The following CEACAM21 variants were observed in gnomAD, a reference collection of about 807,000 sequenced individuals.
CEACAM21 encodes CEA cell adhesion molecule 21, also known as cell adhesion molecule CEACAM21.
A neutral mutation model predicts 33.2 loss-of-function variants in CEACAM21; 38 were observed. The ratio of observed to expected loss-of-function variants is 1.14; its 90% CI spans 0.88 to 1.50. The LOEUF is 1.50. Ranked by LOEUF, CEACAM21 falls within the 40% of genes most tolerant of loss-of-function variation. The probability of loss-of-function intolerance (pLI) is 0.00; values close to 1 mark genes in which losing one functional copy is unlikely to be tolerated. For synonymous variants in CEACAM21, 156 were observed against 143.0 expected (o/e 1.09, Z -0.65); for missense variants, 385 against 364.6 (o/e 1.06, Z -0.46).
Position 41,579,612 on chromosome 19 carries a change from C to G in CEACAM21, c.684C>G (p.Leu228=), listed in dbSNP as rs1555792831. Residue 228 remains leucine, a synonymous_variant, in exon 3 of 7, where the codon CTC becomes CTG. Transcript: ENST00000401445. ...TCAGCTCCAACAGGAGCGACCCCCTCAAGCTGACTGTAAAATGTGAGTGAC... is the reference window on the plus strand; with the variant it reads ...TCAGCTCCAACAGGAGCGACCCCCTGAAGCTGACTGTAAAATGTGAGTGAC... The part of the protein sequence containing the change: ...NPVSSNRSDP[L]KLTVKSDDNT... The G allele has an allele frequency of 6.4e-7, 1 of 1,560,876 alleles. No individual in the cohort carries two copies. Among genetic ancestry groups the G allele is most frequent in the Admixed American group, 1.9e-5 (1 of 52,026 alleles).
chr19:41,569,646 A>G (rs2042477824), intron 2 of CEACAM21, among the ~76,000 whole-genome samples: 1 of 151,940 alleles, frequency 6.6e-6, no homozygotes, highest in African/African-American at 2.4e-5. Flanking sequence ...CAGCAGCTGC[A>G]CAAATAGAGA....
At chr19:41,552,952 A>G (rs2041313424) in intron 1 of CEACAM21, among the ~76,000 whole-genome samples, 1 of 149,274 alleles carries the variant, frequency 6.7e-6, no homozygotes, top group African/African-American at 2.4e-5. Context: ...AAAGGGAAAG[A>G]AAAAGGAAAC....
chr19:41,584,296 G>T lies in CEACAM21; in HGVS notation c.701-51G>T, dbSNP rs2070543035. On this transcript the variant is annotated intron_variant, in intron 3 of 6. Coordinates refer to ENST00000401445, the MANE Select transcript of CEACAM21 (RefSeq NM_001098506.4). ...CCCCTGCCCTGCAAGGCCCCTCATGGTTCCCCCTGGAACAGATTTGGACCT... is the reference window on the plus strand; with the variant it reads ...CCCCTGCCCTGCAAGGCCCCTCATGTTTCCCCCTGGAACAGATTTGGACCT... 7 of 1,518,174 alleles carry T rather than the reference G, an allele frequency of 4.6e-6. 1 individual carries two copies. In the South Asian group the frequency reaches 7.0e-5, roughly 15 times the overall value. The allele number at this position is 1,518,174 out of a possible 1,614,324, so 94.0% of individuals were successfully genotyped here. A position where few individuals can be genotyped will look rare whatever the true frequency, so the allele number is the denominator to read the frequency against.
chr19:41,577,351 G>T lies in CEACAM21; in HGVS notation c.216G>T (p.Thr72=). The stretch of plus-strand genomic sequence containing the variant: ...GCTATGGCTGGTACAAAGGGAAAAC[G>T]GTGGAGCCCAACCAGCTAATCGCAG... ...LYSYGWYKGK[T]VEPNQLIAAY... Residue 72 remains threonine (T), a synonymous_variant, in exon 2 of 7, where the codon ACG becomes ACT. Transcript: ENST00000401445. 1 of 1,613,982 alleles carries T rather than the reference G, an allele frequency of 6.2e-7. No individual in the cohort carries two copies.
At position 41,577,316 on chromosome 19, in the gene CEACAM21, A is replaced by G. The variant is rs1456876473; in HGVS notation, c.181A>G (p.Asn61Asp). 1.1e-5 allele frequency: 17 copies of G among 1,614,092 alleles called. No individual in the cohort carries two copies. In the Middle Eastern group the frequency reaches 2.6e-3, roughly 251 times the overall value. The change falls in exon 2 of 7, where the codon AAT becomes GAT. Residue 61 changes from asparagine to aspartate, a missense_variant. Asn to Asp is a conservative substitution (Grantham distance 23, BLOSUM62 1). Transcript: ENST00000401445. ...VHLSVVYLPE[N>D]LYSYGWYKGK... Reference sequence around the variant, plus strand: ...TCTCTCTGTGGTTTATCTGCCCGAGAATCTTTACAGCTATGGCTGGTACAA... The same window carrying G: ...TCTCTCTGTGGTTTATCTGCCCGAGGATCTTTACAGCTATGGCTGGTACAA...
chr19:41,566,098 C>T (rs529243666), intron 2 of CEACAM21, among the ~76,000 whole-genome samples: 1 of 151,966 alleles, frequency 6.6e-6, no homozygotes, highest in South Asian at 2.1e-4. Flanking sequence ...TGCTGAAAGA[C>T]CCACCAAAGG....
At chr19:41,585,742 C>T in intron 5 of CEACAM21, 98 bp from the exon 6 acceptor site, 1 of 1,293,656 alleles carries the variant, frequency 7.7e-7, no homozygotes, top group East Asian at 2.5e-5. Context: ...AAGGCTCCCT[C>T]TCCCCAATTC....
intron 3 of CEACAM21, among the ~76,000 whole-genome samples, chr19:41,580,941 G>T (rs1357553384): frequency 6.6e-6 from 1 of 152,208 alleles, no homozygotes; most frequent in Non-Finnish European, 1.5e-5. Context: ...CCTAGGGGCT[G>T]CCAGTCATCA....
intron 2 of CEACAM21, among the ~76,000 whole-genome samples, chr19:41,567,501 CAACAAT>C (rs2042341594): frequency 6.6e-6 from 1 of 152,174 alleles, no homozygotes. Context: ...ACTCAGCAAA[CAACAAT>C]TTAGCAATTT....
chr19:41,559,120 T>C (rs2041715892), intron 1 of CEACAM21, among the ~76,000 whole-genome samples: 2 of 152,246 alleles, frequency 1.3e-5, no homozygotes, highest in Non-Finnish European at 2.9e-5. Context: ...CAGATTTATG[T>C]ATTTTACTGG....
intron 3 of CEACAM21, among the ~76,000 whole-genome samples, chr19:41,579,927 G>T (rs114478851): frequency 7.9e-4 from 120 of 152,260 alleles, no homozygotes; most frequent in African/African-American, 2.7e-3. Flanking sequence ...AGATTAATGC[G>T]ATTAAAGCCC....
intron 1 of CEACAM21, among the ~76,000 whole-genome samples, chr19:41,556,716 A>G (rs1388157850): frequency 6.6e-6 from 1 of 152,272 alleles, no homozygotes; most frequent in Non-Finnish European, 1.5e-5. Flanking sequence ...TGGCGAAGGC[A>G]TAAACTTGAA....
intron 4 of CEACAM21, 128 bp from the exon 5 acceptor site, chr19:41,585,315 A>G (rs1031214117): frequency 1.1e-6 from 1 of 935,530 alleles, no homozygotes; most frequent in South Asian, 1.5e-5. Context: ...CTCCTACCAC[A>G]GAACTCCATA....
intron 2 of CEACAM21, among the ~76,000 whole-genome samples, chr19:41,570,861 G>A (rs1159224245): frequency 6.6e-6 from 1 of 152,162 alleles, no homozygotes; most frequent in Non-Finnish European, 1.5e-5. Flanking sequence ...GGAGATCAGG[G>A]CTGGCCTTGG....
chr19:41,574,821 C>T (rs1241423416), upstream of CEACAM21, among the ~76,000 whole-genome samples: 1 of 152,142 alleles, frequency 6.6e-6, no homozygotes, highest in Non-Finnish European at 1.5e-5. Context: ...CACATGACCC[C>T]ATATTTATAC....
At chr19:41,549,783 C>A (rs2041112155) in intron 1 of CEACAM21, among the ~76,000 whole-genome samples, 1 of 152,110 alleles carries the variant, frequency 6.6e-6, no homozygotes, top group African/African-American at 2.4e-5. Context: ...CCAACTTATT[C>A]CTGGGCTCAA....
At chr19:41,583,597 A>G (rs1555794153) in intron 3 of CEACAM21, among the ~76,000 whole-genome samples, 1 of 152,182 alleles carries the variant, frequency 6.6e-6, no homozygotes, top group Non-Finnish European at 1.5e-5. Flanking sequence ...CACAATCATG[A>G]TGGAAGGTGA....
At chr19:41,563,035 T>A (rs1233242329) in intron 1 of CEACAM21, among the ~76,000 whole-genome samples, 1 of 152,178 alleles carries the variant, frequency 6.6e-6, no homozygotes, top group Non-Finnish European at 1.5e-5. Context: ...GCCTCAGTAT[T>A]TCATTTTCAA....
At chr19:41,585,025 T>C (rs1555794801) in intron 4 of CEACAM21, among the ~76,000 whole-genome samples, 1 of 152,168 alleles carries the variant, frequency 6.6e-6, no homozygotes, top group African/African-American at 2.4e-5. Context: ...GAGTGGAGTG[T>C]CTGGTCACAG....
Sources: allele counts gnomAD v4.1 joint callset (sites outside exome capture counted in the v4.1 genomes callset), GRCh38; gene constraint gnomAD v4.1.1; transcripts MANE v1.5; gene names NCBI Gene and HGNC (gene_info 2026-07-23, HGNC 2026-07-21).